The following RHOJ variants were observed in gnomAD, a reference collection of about 807,000 sequenced individuals.
The protein encoded by RHOJ is rho-related GTP-binding protein RhoJ.
Under a neutral mutation model 23.4 loss-of-function variants are expected in RHOJ, and 11 were observed. The observed-to-expected ratio is 0.47, with a 90% CI of 0.30 to 0.78. The LOEUF is 0.78. Among genes scored for constraint, RHOJ ranks in the 30% least tolerant of loss-of-function variants. RHOJ has a pLI of 0.08. For missense variants in RHOJ, 254 were observed against 273.4 expected (o/e 0.93, Z 0.50); for synonymous variants, 102 against 102.7 (o/e 0.99, Z 0.04).
At chr14:63,256,781 T>C (rs1361640061) in intron 1 of RHOJ, among the ~76,000 whole-genome samples, 2 of 152,008 alleles carry the variant, frequency 1.3e-5, no homozygotes, top group African/African-American at 2.4e-5. Flanking sequence ...CTACTAAAAA[T>C]ACCAAAAAAT....
In RHOJ at chr14:63,204,951, G is replaced by A; in HGVS notation, c.82G>A (p.Gly28Arg). Residue 28 changes from glycine (G) to arginine (R), a missense_variant, in exon 1 of 5, where the codon GGG (glycine) becomes AGG (arginine). By Grantham distance (125) the Gly-to-Arg change is moderately radical. Transcript: ENST00000316754. The part of the protein sequence containing the change: ...EKKMLKCVVV[G>R]DGAVGKTCLL... ...GAAGATGTTGAAGTGTGTGGTGGTG[G>A]GGGACGGTGCCGTGGGGAAAACCTG... The A allele has an allele frequency of 1.2e-6, 2 of 1,614,218 alleles. No homozygotes were observed. Among genetic ancestry groups the A allele is most frequent in the South Asian group, 1.1e-5 (1 of 91,084 alleles).
chr14:63,234,508 G>C (rs1021794936), intron 1 of RHOJ, among the ~76,000 whole-genome samples: 4 of 152,034 alleles, frequency 2.6e-5, no homozygotes, highest in African/African-American at 9.7e-5. Flanking sequence ...TCATCCTTTC[G>C]CTTCAGTATA....
chr14:63,280,104 G>T (rs1009984951), intron 2 of RHOJ, among the ~76,000 whole-genome samples: 3 of 152,068 alleles, frequency 2.0e-5, no homozygotes, highest in Non-Finnish European at 4.4e-5. Context: ...GCTCACTGCA[G>T]CTTCAAACTC....
At chr14:63,227,153 T>G (rs1340650388) in intron 1 of RHOJ, among the ~76,000 whole-genome samples, 1 of 152,158 alleles carries the variant, frequency 6.6e-6, no homozygotes, top group Non-Finnish European at 1.5e-5. Flanking sequence ...GGTTTCACCA[T>G]GTTGGCCAGG....
chr14:63,256,543 G>A (rs1895169065), intron 1 of RHOJ, among the ~76,000 whole-genome samples: 1 of 152,132 alleles, frequency 6.6e-6, no homozygotes, highest in South Asian at 2.1e-4. Context: ...CTCACACGTG[G>A]CTCTTCTGTA....
chr14:63,262,820 C>G (rs899333437), intron 1 of RHOJ, among the ~76,000 whole-genome samples: 1 of 152,220 alleles, frequency 6.6e-6, no homozygotes, highest in Non-Finnish European at 1.5e-5. Context: ...CATGGAGACT[C>G]TGCCCTCAAG....
chr14:63,278,936 T>C (rs531980741), intron 2 of RHOJ, among the ~76,000 whole-genome samples: 18 of 152,206 alleles, frequency 1.2e-4, no homozygotes, highest in African/African-American at 3.4e-4. Flanking sequence ...CAGTGAGCCA[T>C]GATCACGCCA....
chr14:63,216,657 A>G (rs992737180), intron 1 of RHOJ, among the ~76,000 whole-genome samples: 5 of 152,354 alleles, frequency 3.3e-5, no homozygotes, highest in African/African-American at 1.2e-4. Flanking sequence ...ATTTCAAATG[A>G]CATTTGCAAT....
chr14:63,265,326 G>A (rs1021973864), intron 1 of RHOJ, among the ~76,000 whole-genome samples: 10 of 152,100 alleles, frequency 6.6e-5, no homozygotes, highest in African/African-American at 2.2e-4. Context: ...AACATCAGAT[G>A]GCTGTGGCTG....
At chr14:63,288,410 G>A in intron 4 of RHOJ, 2 of 857,268 alleles carry the variant, frequency 2.3e-6, no homozygotes, top group Non-Finnish European at 2.8e-6. Context: ...CAGATAGAAA[G>A]GTGCTACAGC....
At chr14:63,210,470 G>A (rs952212801) in intron 1 of RHOJ, among the ~76,000 whole-genome samples, 8 of 152,150 alleles carry the variant, frequency 5.3e-5, no homozygotes, top group African/African-American at 1.9e-4. Context: ...AGGTCTAAAG[G>A]GTAGGAGCAG....
At chr14:63,285,668 T>G (rs749399593) in intron 4 of RHOJ, among the ~76,000 whole-genome samples, 4 of 152,216 alleles carry the variant, frequency 2.6e-5, no homozygotes, top group Non-Finnish European at 4.4e-5. Flanking sequence ...CCCTCTTCTT[T>G]CTATTACTGT....
intron 1 of RHOJ, among the ~76,000 whole-genome samples, chr14:63,231,906 T>C (rs1894702528): frequency 6.6e-6 from 1 of 152,212 alleles, no homozygotes; most frequent in Admixed American, 6.5e-5. Context: ...GAGCAAATAA[T>C]ACAAAATGTC....
chr14:63,238,580 C>G (rs143530217), intron 1 of RHOJ, among the ~76,000 whole-genome samples: 4,954 of 152,226 alleles, frequency 0.033, 119 homozygotes, highest in Non-Finnish European at 0.049. Context: ...CAACACCATG[C>G]CCGGATAATT....
At chr14:63,282,202 ACATT>A (rs1161987975) in intron 3 of RHOJ, among the ~76,000 whole-genome samples, 1 of 152,118 alleles carries the variant, frequency 6.6e-6, no homozygotes, top group African/African-American at 2.4e-5. Flanking sequence ...ATGTGACAGA[ACATT>A]CAATCACCTT....
chr14:63,207,886 AAG>A (rs766024272), intron 1 of RHOJ, among the ~76,000 whole-genome samples: 1 of 152,344 alleles, frequency 6.6e-6, no homozygotes, highest in South Asian at 2.1e-4. Context: ...CATGTGTGAT[AAG>A]AGTTAGGTAC....
intron 1 of RHOJ, among the ~76,000 whole-genome samples, chr14:63,254,038 C>T (rs1170690669): frequency 1.3e-5 from 2 of 152,106 alleles, no homozygotes; most frequent in African/African-American, 2.4e-5. Flanking sequence ...TAGAGCCAGC[C>T]GCTTGTGGAG....
intron 1 of RHOJ, among the ~76,000 whole-genome samples, chr14:63,267,653 A>G (rs1270696246): frequency 6.6e-6 from 1 of 152,244 alleles, no homozygotes; most frequent in Non-Finnish European, 1.5e-5. Context: ...AAAATTAAAC[A>G]GGACAAGAGC....
At chr14:63,221,901 G>T (rs112063768) in intron 1 of RHOJ, among the ~76,000 whole-genome samples, 5,664 of 151,942 alleles carry the variant, frequency 0.037, 392 homozygotes, top group African/African-American at 0.13. Context: ...GTATACATGT[G>T]CCATGATGGG....
Sources: gnomAD v4.1 joint callset for allele counts (sites outside exome capture counted in the v4.1 genomes callset) on GRCh38, gnomAD v4.1.1 for gene constraint, MANE v1.5 for transcripts, NCBI Gene and HGNC (gene_info 2026-07-23, HGNC 2026-07-21) for gene names.